Variants in VPS8 observed in about 807,000 individuals in gnomAD.
VPS8 encodes vacuolar protein sorting-associated protein 8 homolog.
A neutral mutation model predicts 216.4 loss-of-function variants in VPS8; 129 were observed. That is an observed-to-expected ratio of 0.60 (90% confidence interval 0.52 to 0.69). The LOEUF (loss-of-function observed/expected upper bound fraction) is 0.69. VPS8 is among the 30% of genes least tolerant of loss of function. VPS8 has a pLI of 0.00. For missense variants in VPS8, 1,531 were observed against 1,683.5 expected (o/e 0.91, Z 1.59); for synonymous variants, 571 against 565.4 (o/e 1.01, Z -0.14).
intron 1 of VPS8, among the ~76,000 whole-genome samples, chr3:184,818,741 T>TAA (rs1194199024): frequency 2.0e-5 from 3 of 152,176 alleles, no homozygotes; most frequent in African/African-American, 7.2e-5. Flanking sequence ...ATATAGTAAA[T>TAA]AAAAACTTGA....
At position 185,052,151 on chromosome 3, in the gene VPS8, C is replaced by CACAGGAGCCCAA; in HGVS notation, c.*126_*127insACAGGAGCCCAA. On this transcript the variant is annotated 3_prime_UTR_variant, in exon 48 of 48. Transcript: ENST00000625842. ...TTCTGAGAAGAGGTTCCAAATTGGGCTTCTGTGCCCAGAGCGTCCACAGCA... is the reference window on the plus strand; with the variant it reads ...TTCTGAGAAGAGGTTCCAAATTGGGCACAGGAGCCCAATTCTGTGCCCAGAGCGTCCACAGCA... 2.7e-6 allele frequency: 3 copies of CACAGGAGCCCAA among 1,124,420 alleles called. No homozygotes were observed. Among genetic ancestry groups the CACAGGAGCCCAA allele is most frequent in the Non-Finnish European group, 3.7e-6 (3 of 820,338 alleles). 69.7% of individuals were successfully genotyped at this position (1,124,420 alleles called of 1,614,324 possible).
chr3:184,848,055 G>A (rs1723468353), intron 8 of VPS8, among the ~76,000 whole-genome samples: 1 of 152,040 alleles, frequency 6.6e-6, no homozygotes. Context: ...TAGGATTACA[G>A]GTGCCCACCA....
chr3:184,926,824 A>G (rs548814660), intron 31 of VPS8, among the ~76,000 whole-genome samples, 174 bp downstream of exon 31: 2 of 152,342 alleles, frequency 1.3e-5, no homozygotes, highest in East Asian at 1.9e-4. Flanking sequence ...TTAGAGGTAC[A>G]TGTGTAAGAA....
At chr3:184,914,745 G>A (rs141229830) in intron 26 of VPS8, among the ~76,000 whole-genome samples, 7 of 152,212 alleles carry the variant, frequency 4.6e-5, no homozygotes, top group East Asian at 1.9e-4. Context: ...GGAAACATAC[G>A]AAGAAACGAA....
At chr3:184,847,877 G>T (rs945404125) in intron 8 of VPS8, among the ~76,000 whole-genome samples, 1 of 152,084 alleles carries the variant, frequency 6.6e-6, no homozygotes, top group Non-Finnish European at 1.5e-5. Flanking sequence ...TAATCTAATA[G>T]ATATTTGAAT....
At chr3:184,978,798 A>G (rs1023951202) in intron 40 of VPS8, among the ~76,000 whole-genome samples, 5 of 152,068 alleles carry the variant, frequency 3.3e-5, no homozygotes, top group African/African-American at 1.2e-4. Flanking sequence ...TCTTGTCTCA[A>G]TTGTATTCAG....
At chr3:184,824,851 C>A (rs542907132) in intron 2 of VPS8, 66 bp downstream of exon 2, 2 of 1,452,476 alleles carry the variant, frequency 1.4e-6, no homozygotes, top group Admixed American at 2.1e-5. Flanking sequence ...TGCTTTGTGA[C>A]CCAGAGACTC....
Position 184,887,563 on chromosome 3 carries a change from A to T in VPS8, c.1781+1407A>T, listed in dbSNP as rs545582067. ...TAAGATGTGCCAAAGCCAGAAAGTG[A>T]TTAAGTTACTTGCCAAAACTCAGTC... On this transcript the variant is annotated intron_variant, in intron 22 of 47. Coordinates refer to ENST00000625842, the MANE Select transcript of VPS8 (RefSeq NM_001009921.3). Among the ~76,000 whole-genome samples the T allele has an allele frequency of 6.6e-5, 10 of 152,240 alleles. No homozygotes were observed. The South Asian group carries it at 2.1e-3, about 31-fold the overall frequency.
intron 36 of VPS8, among the ~76,000 whole-genome samples, chr3:184,953,501 TC>T (rs1745068125): frequency 6.6e-6 from 1 of 152,132 alleles, no homozygotes; most frequent in Admixed American, 6.5e-5. Context: ...GTGACTCTCT[TC>T]AGACCCTTTA....
chr3:184,849,865 C>A, intron 9 of VPS8, 71 bp from the exon 10 acceptor site: 1 of 1,143,338 alleles, frequency 8.7e-7, no homozygotes, highest in Non-Finnish European at 1.3e-6. Flanking sequence ...TTATTCCAGC[C>A]AGAAGGCAGG....
chr3:184,920,293 G>T (rs1367741830), intron 29 of VPS8, 95 bp downstream of exon 29: 1 of 837,264 alleles, frequency 1.2e-6, no homozygotes, highest in African/African-American at 1.8e-5. Flanking sequence ...TTGTTAAGTG[G>T]TTTCTTGGAA....
At chr3:184,923,436 C>G (rs1184858805) in intron 29 of VPS8, among the ~76,000 whole-genome samples, 1 of 152,194 alleles carries the variant, frequency 6.6e-6, no homozygotes, top group Non-Finnish European at 1.5e-5. Context: ...CACTGCCTTA[C>G]TTAAGAGCCC....
intron 2 of VPS8, among the ~76,000 whole-genome samples, chr3:184,825,360 C>G (rs1219851382): frequency 6.6e-6 from 1 of 151,998 alleles, no homozygotes; most frequent in Non-Finnish European, 1.5e-5. Flanking sequence ...AGTTCCTTAT[C>G]TTGCACAGCA....
At position 184,926,663 on chromosome 3, in the gene VPS8, A is replaced by G. The variant is rs1193777376; in HGVS notation, c.2631+13A>G. Reference sequence around the variant, plus strand: ...TGAAAGACAGCAGGTATGAACTACTAGAACTCTTTTTGCTAAAAAATAGGA... The same window carrying G: ...TGAAAGACAGCAGGTATGAACTACTGGAACTCTTTTTGCTAAAAAATAGGA... On this transcript the variant is annotated intron_variant, in intron 31 of 47. Coordinates refer to ENST00000625842, the MANE Select transcript of VPS8 (RefSeq NM_001009921.3). 6 of 1,592,850 alleles carry G rather than the reference A, an allele frequency of 3.8e-6. No homozygotes were observed. Among genetic ancestry groups the G allele is most frequent in the Non-Finnish European group, 5.1e-6 (6 of 1,169,374 alleles).
In VPS8 at chr3:184,938,799, G is replaced by A. The variant is rs542014816; in HGVS notation, c.2989-1398G>A. Among the ~76,000 whole-genome samples the A allele has an allele frequency of 1.3e-4, 19 of 151,622 alleles. 1 individual carries two copies. The highest frequency in any genetic ancestry group is 1.0e-3 in the South Asian group (5 of 4,824). On this transcript the variant is annotated intron_variant, in intron 35 of 47. Coordinates refer to ENST00000625842, the MANE Select transcript of VPS8 (RefSeq NM_001009921.3). ...TCCTAGCATTTTGCAAGGCCCAGGCGGGCAGATCGCTTGAGCTCAGGAGCT... is the reference window on the plus strand; with the variant it reads ...TCCTAGCATTTTGCAAGGCCCAGGCAGGCAGATCGCTTGAGCTCAGGAGCT...
intron 34 of VPS8, among the ~76,000 whole-genome samples, chr3:184,935,056 G>A (rs1741355906): frequency 1.3e-5 from 2 of 151,962 alleles, no homozygotes; most frequent in African/African-American, 2.4e-5. Flanking sequence ...GGTCAGACAC[G>A]GTGGCTCATG....
At chr3:185,004,037 G>A (rs1753852637) in intron 45 of VPS8, among the ~76,000 whole-genome samples, 1 of 152,120 alleles carries the variant, frequency 6.6e-6, no homozygotes, top group African/African-American at 2.4e-5. Context: ...TTTCCAGACT[G>A]GGCAGCCAGG....
At chr3:185,005,182 G>C (rs1754070148) in intron 45 of VPS8, among the ~76,000 whole-genome samples, 1 of 152,148 alleles carries the variant, frequency 6.6e-6, no homozygotes, top group African/African-American at 2.4e-5. Flanking sequence ...TCAGTTAGCT[G>C]TAAGTATTTG....
intron 23 of VPS8, among the ~76,000 whole-genome samples, chr3:184,897,589 C>T (rs1733741903): frequency 1.3e-5 from 2 of 152,058 alleles, no homozygotes; most frequent in Non-Finnish European, 2.9e-5. Context: ...TGTTAGTCAT[C>T]AGTGAAGAGA....
Sources: allele counts gnomAD v4.1 joint callset (sites outside exome capture counted in the v4.1 genomes callset), GRCh38; gene constraint gnomAD v4.1.1; transcripts MANE v1.5; gene names NCBI Gene and HGNC (gene_info 2026-07-23, HGNC 2026-07-21).